Variants in ANKRD26 observed in about 807,000 individuals in gnomAD.
ANKRD26 encodes ankyrin repeat domain-containing protein 26.
A neutral mutation model predicts 208.7 loss-of-function variants in ANKRD26; 141 were observed. The ratio of observed to expected loss-of-function variants is 0.68; its 90% confidence interval spans 0.59 to 0.78. ANKRD26 has a LOEUF of 0.78. ANKRD26 is among the 30% of genes least tolerant of loss of function. The probability of loss-of-function intolerance (pLI) is 0.00; values close to 1 mark genes in which losing one functional copy is unlikely to be tolerated. For missense variants in ANKRD26, 1,889 were observed against 1,938.7 expected (o/e 0.97, Z 0.48); for synonymous variants, 636 against 660.4 (o/e 0.96, Z 0.57).
chr10:26,966,486 T>C, the ANKRD26 span, among the ~76,000 whole-genome samples: 1 of 151,604 alleles, frequency 6.6e-6, no homozygotes, highest in Non-Finnish European at 1.5e-5. Context: ...TGTTGACAGG[T>C]AGGGGGTGAG....
At chr10:26,961,150 G>A in the ANKRD26 span, among the ~76,000 whole-genome samples, 11 of 151,466 alleles carry the variant, frequency 7.3e-5, no homozygotes, top group Admixed American at 2.0e-4. Flanking sequence ...CTGGGAGGCG[G>A]AGGTTGCAGT....
chr10:27,061,846 A>T (rs2055068771), intron 12 of ANKRD26: 1 of 862,362 alleles, frequency 1.2e-6, no homozygotes, highest in African/African-American at 1.8e-5. Context: ...TGACAGGCAA[A>T]CCACCAAGAT....
Position 27,017,785 on chromosome 10 carries a change from TC to T in ANKRD26, c.4222del (p.Asp1408IlefsTer30). The T allele has an allele frequency of 1.2e-6, 2 of 1,612,270 alleles. No individual in the cohort carries two copies. The highest frequency in any genetic ancestry group is 1.7e-6 in the Non-Finnish European group (2 of 1,179,716). On this transcript the variant is annotated frameshift_variant, in exon 30 of 34. Coordinates refer to ENST00000376087, the MANE Select transcript of ANKRD26 (RefSeq NM_014915.3). LOFTEE classifies it high-confidence loss of function. ...QINKLKHKID[D>X]LTAELETAGS... Reference sequence around the variant, plus strand: ...TGCAGTCTCCAGTTCTGCTGTAAGATCATCAATCTGAATGAAGACAATAATA... The same window carrying T: ...TGCAGTCTCCAGTTCTGCTGTAAGATATCAATCTGAATGAAGACAATAATA...
chr10:27,030,944 G>C (rs2053845664), intron 25 of ANKRD26, among the ~76,000 whole-genome samples: 1 of 152,082 alleles, frequency 6.6e-6, no homozygotes, highest in South Asian at 2.1e-4. Context: ...TTTATAATTA[G>C]ACAAGTTTCT....
At chr10:27,073,616 C>T (rs899736949) in intron 9 of ANKRD26, among the ~76,000 whole-genome samples, 3 of 152,188 alleles carry the variant, frequency 2.0e-5, no homozygotes, top group African/African-American at 7.2e-5. Context: ...ACTTGGGGTA[C>T]TGCATTTATC....
chr10:27,040,236 G>A, intron 20 of ANKRD26, 58 bp from the exon 21 acceptor site: 7 of 1,259,572 alleles, frequency 5.6e-6, no homozygotes, highest in Non-Finnish European at 8.0e-6. Context: ...ATAACACACT[G>A]TGCACTATAA....
At chr10:26,949,856 T>C in the ANKRD26 span, among the ~76,000 whole-genome samples, 1,408 of 152,334 alleles carry the variant, frequency 9.2e-3, 10 homozygotes, top group Middle Eastern at 0.037. Context: ...TAAAATTAGA[T>C]GATAATATGT....
intron 16 of ANKRD26, among the ~76,000 whole-genome samples, chr10:27,049,393 G>A (rs1384599635): frequency 2.6e-5 from 4 of 152,068 alleles, no homozygotes; most frequent in Admixed American, 6.5e-5. Context: ...TTTACACTAC[G>A]CAGCCAGGAA....
At chr10:27,030,774 T>C (rs568217106) in intron 25 of ANKRD26, among the ~76,000 whole-genome samples, 41 of 152,020 alleles carry the variant, frequency 2.7e-4, no homozygotes, top group African/African-American at 9.4e-4. Flanking sequence ...AATAAAATAA[T>C]AAAAATAGAA....
chr10:27,022,753 CA>C lies in ANKRD26; in HGVS notation c.4086-67del, dbSNP rs976626119. 2.8e-5 allele frequency: 40 copies of C among 1,414,554 alleles called. No individual in the cohort carries two copies. The African/African-American group carries it at 5.0e-4, about 18-fold the overall frequency. The allele number at this position is 1,414,554 out of a possible 1,614,324, so 87.6% of individuals were successfully genotyped here. On this transcript the variant is annotated intron_variant, in intron 28 of 33. Coordinates refer to ENST00000376087, the MANE Select transcript of ANKRD26 (RefSeq NM_014915.3). Reference sequence around the variant, plus strand: ...GGCAAACATTTAATAATTATTTAAACAGATATTATGTTTTAGCATGTAAGAA... The same window carrying C: ...GGCAAACATTTAATAATTATTTAAACGATATTATGTTTTAGCATGTAAGAA...
At position 27,040,176 on chromosome 10, in the gene ANKRD26, A is replaced by G; in HGVS notation, c.2164T>C (p.Ser722Pro). Residue 722 changes from serine to proline, a missense_variant and splice_region_variant, in exon 21 of 34, where the codon TCT (serine) becomes CCT (proline). Coordinates refer to ENST00000376087, the MANE Select transcript of ANKRD26 (RefSeq NM_014915.3). ...TCCTGGATTTTCAATAGGCTAACAG[A>G]ATCTGTATCAGGAAGAAAACAAGAT... ...IEQLGMECKD[S>P]VSLLKIQDAA... The G allele has an allele frequency of 6.2e-7, 1 of 1,606,106 alleles. No homozygotes were observed. The highest frequency in any genetic ancestry group is 8.5e-7 in the Non-Finnish European group (1 of 1,173,968).
chr10:26,957,325 T>C, the ANKRD26 span, among the ~76,000 whole-genome samples: 2 of 151,942 alleles, frequency 1.3e-5, no homozygotes, highest in African/African-American at 4.8e-5. Context: ...GAGGCAGAGG[T>C]TGCAGTGAGC....
At chr10:26,970,807 C>T (rs544131469), downstream of ANKRD26, among the ~76,000 whole-genome samples, 82 of 152,244 alleles carry the variant, frequency 5.4e-4, no homozygotes, top group African/African-American at 1.8e-3. Flanking sequence ...CAATCAAATA[C>T]GGAGCCAGCA....
At chr10:27,037,514 G>C (rs962667495) in intron 22 of ANKRD26, among the ~76,000 whole-genome samples, 191 bp from the exon 23 acceptor site, 1 of 152,044 alleles carries the variant, frequency 6.6e-6, no homozygotes, top group Non-Finnish European at 1.5e-5. Context: ...AAGCAAAAAT[G>C]GTTCTTAATA....
downstream of ANKRD26, among the ~76,000 whole-genome samples, chr10:26,972,842 A>G (rs756464756): frequency 9.2e-5 from 14 of 152,068 alleles, no homozygotes; most frequent in East Asian, 1.9e-4. Context: ...TGCCCGCCTC[A>G]GCCTCCCAAA....
the ANKRD26 span, among the ~76,000 whole-genome samples, chr10:26,958,845 C>G: frequency 2.6e-5 from 4 of 152,288 alleles, no homozygotes; most frequent in Middle Eastern, 3.4e-3. Context: ...ATTGCTGGAT[C>G]AAAAGGTATT....
chr10:26,972,640 G>A (rs1554766489), downstream of ANKRD26, among the ~76,000 whole-genome samples: 2 of 148,400 alleles, frequency 1.3e-5, no homozygotes, highest in Non-Finnish European at 3.0e-5. Context: ...GCCCAGGCTG[G>A]AGTGCAGTGG....
chr10:27,075,894 G>A (rs369643130), intron 9 of ANKRD26, among the ~76,000 whole-genome samples: 78 of 152,250 alleles, frequency 5.1e-4, no homozygotes, highest in African/African-American at 1.8e-3. Context: ...GAAATCATAT[G>A]AAGTATCTTC....
chr10:26,995,497 GA>G (rs2052571387), intron 4 of ANKRD26, among the ~76,000 whole-genome samples: 1 of 152,204 alleles, frequency 6.6e-6, no homozygotes, highest in Non-Finnish European at 1.5e-5. Context: ...CTAAAAAAAG[GA>G]AGGCAGAGAA....
Sources: gnomAD v4.1 joint callset for allele counts (sites outside exome capture counted in the v4.1 genomes callset) on GRCh38, gnomAD v4.1.1 for gene constraint, MANE v1.5 for transcripts, NCBI Gene and HGNC (gene_info 2026-07-23, HGNC 2026-07-21) for gene names.